The following ITGBL1 variants were observed in gnomAD, a reference collection of about 807,000 sequenced individuals.
The protein encoded by ITGBL1 is integrin subunit beta like 1.
Under a neutral mutation model 68.5 loss-of-function variants are expected in ITGBL1, and 51 were observed. The ratio of observed to expected loss-of-function variants is 0.74; its 90% CI spans 0.59 to 0.94. The LOEUF is 0.94. Ranked by LOEUF, ITGBL1 falls within the 40% of genes least tolerant of loss-of-function variation. ITGBL1 has a pLI of 0.00. For synonymous variants in ITGBL1, 209 were observed against 227.3 expected (o/e 0.92, Z 0.72); for missense variants, 649 against 647.4 (o/e 1.00, Z -0.03).
At chr13:101,484,982 A>G (rs2048680036) in intron 2 of ITGBL1, among the ~76,000 whole-genome samples, 1 of 152,164 alleles carries the variant, frequency 6.6e-6, no homozygotes, top group Admixed American at 6.5e-5. Context: ...AAAAGCATCT[A>G]GAGAAAAAAC....
chr13:101,472,926 G>T (rs1442992689), intron 2 of ITGBL1, among the ~76,000 whole-genome samples: 1 of 151,902 alleles, frequency 6.6e-6, no homozygotes, highest in Non-Finnish European at 1.5e-5. Context: ...TAGAGTCAAG[G>T]ATTTATATAT....
chr13:101,664,217 T>C (rs560425874), intron 7 of ITGBL1, among the ~76,000 whole-genome samples: 1 of 152,290 alleles, frequency 6.6e-6, no homozygotes, highest in South Asian at 2.1e-4. Flanking sequence ...GAAAAAATTA[T>C]TAGGAGAAGG....
At chr13:101,600,385 A>G (rs1439918194) in intron 7 of ITGBL1, among the ~76,000 whole-genome samples, 5 of 152,234 alleles carry the variant, frequency 3.3e-5, no homozygotes, top group Admixed American at 3.3e-4. Flanking sequence ...ATCTGCAAAC[A>G]GGGACAATTT....
At chr13:101,664,499 T>C (rs2033165963) in intron 7 of ITGBL1, among the ~76,000 whole-genome samples, 1 of 152,204 alleles carries the variant, frequency 6.6e-6, no homozygotes, top group Admixed American at 6.5e-5. Flanking sequence ...TTAATTATAC[T>C]TATTTTTTAT....
intron 7 of ITGBL1, among the ~76,000 whole-genome samples, chr13:101,664,164 C>G (rs1198439645): frequency 3.3e-5 from 5 of 152,252 alleles, no homozygotes; most frequent in Non-Finnish European, 7.4e-5. Context: ...GTGGACTGGA[C>G]TAACTTCGCA....
chr13:101,544,369 A>T (rs1169680881), intron 2 of ITGBL1, among the ~76,000 whole-genome samples: 6 of 152,092 alleles, frequency 3.9e-5, no homozygotes, highest in African/African-American at 1.4e-4. Context: ...AGAACCGCGG[A>T]TATTGGTGAA....
At chr13:101,588,096 C>G (rs927855026) in intron 6 of ITGBL1, among the ~76,000 whole-genome samples, 10 of 152,176 alleles carry the variant, frequency 6.6e-5, no homozygotes, top group African/African-American at 2.4e-4. Context: ...ACAATAGTTA[C>G]AAATAAACAA....
chr13:101,453,557 G>A (rs1372040478), intron 1 of ITGBL1, among the ~76,000 whole-genome samples: 2 of 152,190 alleles, frequency 1.3e-5, no homozygotes, highest in Non-Finnish European at 2.9e-5. Flanking sequence ...TAATCTAAAT[G>A]TGCATATAAG....
chr13:101,705,620 A>G (rs917619421), intron 8 of ITGBL1, among the ~76,000 whole-genome samples: 1 of 152,124 alleles, frequency 6.6e-6, no homozygotes, highest in African/African-American at 2.4e-5. Context: ...CCTAAAAAAA[A>G]AAGAAAAAAT....
chr13:101,643,128 G>T (rs924743477), intron 7 of ITGBL1, among the ~76,000 whole-genome samples: 1 of 151,672 alleles, frequency 6.6e-6, no homozygotes, highest in Non-Finnish European at 1.5e-5. Flanking sequence ...GATGGGGATG[G>T]CATTGGATCT....
chr13:101,480,624 A>G (rs2048605389), intron 2 of ITGBL1, among the ~76,000 whole-genome samples: 1 of 152,078 alleles, frequency 6.6e-6, no homozygotes, highest in Non-Finnish European at 1.5e-5. Flanking sequence ...GTATCCAAGT[A>G]TCTCACACCC....
At chr13:101,548,125 G>T (rs375392482) in intron 2 of ITGBL1, among the ~76,000 whole-genome samples, 6 of 151,824 alleles carry the variant, frequency 4.0e-5, no homozygotes, top group Admixed American at 3.3e-4. Flanking sequence ...CTTAAATTCT[G>T]TTAGAATGTA....
chr13:101,603,597 T>A (rs2030522118), intron 7 of ITGBL1, among the ~76,000 whole-genome samples: 1 of 151,844 alleles, frequency 6.6e-6, no homozygotes, highest in African/African-American at 2.4e-5. Flanking sequence ...AAAATAATTT[T>A]ACATTATTAT....
chr13:101,455,919 G>T (rs1472696604), intron 2 of ITGBL1, among the ~76,000 whole-genome samples: 1 of 152,120 alleles, frequency 6.6e-6, no homozygotes, highest in Non-Finnish European at 1.5e-5. Context: ...GAAGTAAGAG[G>T]TAAGATGCAG....
chr13:101,705,137 C>T (rs1020741858), intron 8 of ITGBL1, among the ~76,000 whole-genome samples: 1 of 151,932 alleles, frequency 6.6e-6, no homozygotes, highest in African/African-American at 2.4e-5. Context: ...GTCTTTCTTT[C>T]AGGATCCCAA....
At chr13:101,543,722 C>G (rs1217293610) in intron 2 of ITGBL1, among the ~76,000 whole-genome samples, 1 of 152,208 alleles carries the variant, frequency 6.6e-6, no homozygotes, top group Non-Finnish European at 1.5e-5. Flanking sequence ...GGGCTTTTCA[C>G]ATAGTCCCAT....
chr13:101,521,271 A>T (rs2049279667), intron 2 of ITGBL1, among the ~76,000 whole-genome samples: 1 of 152,228 alleles, frequency 6.6e-6, no homozygotes, highest in Non-Finnish European at 1.5e-5. Flanking sequence ...ACATAGCAAC[A>T]GATACAACTG....
At chr13:101,601,812 A>G (rs541374386) in intron 7 of ITGBL1, among the ~76,000 whole-genome samples, 53 of 152,122 alleles carry the variant, frequency 3.5e-4, no homozygotes, top group Admixed American at 2.4e-3. Flanking sequence ...AGTTTGATAT[A>G]ATTTCTGTTC....
At chr13:101,713,749 G>GT in intron 9 of ITGBL1, 1 of 152,218 alleles carries the variant, frequency 6.6e-6, no homozygotes, top group South Asian at 2.1e-4. Context: ...CAAAGAGGAA[G>GT]TTTTTTAGTT....
Sources: allele counts gnomAD v4.1 joint callset (sites outside exome capture counted in the v4.1 genomes callset), GRCh38; gene constraint gnomAD v4.1.1; transcripts MANE v1.5; gene names NCBI Gene and HGNC (gene_info 2026-07-23, HGNC 2026-07-21).